Variants in DHCR24 observed in about 807,000 individuals in gnomAD.
The protein encoded by DHCR24 is delta(24)-sterol reductase.
In DHCR24, 28 loss-of-function variants were observed where a neutral mutation model predicts 61.2. The observed-to-expected ratio is 0.46, with a 90% CI of 0.34 to 0.63. The LOEUF (loss-of-function observed/expected upper bound fraction) is 0.63. Ranked by LOEUF, DHCR24 falls within the 20% of genes least tolerant of loss-of-function variation. The pLI, the probability that DHCR24 is intolerant of heterozygous loss-of-function variation, is 0.01. For missense variants in DHCR24, 538 were observed against 679.1 expected, an observed-to-expected ratio of 0.79 and a Z score of 2.31; for synonymous variants, 261 against 275.9, an observed-to-expected ratio of 0.95 and a Z score of 0.54.
intron 6 of DHCR24, among the ~76,000 whole-genome samples, chr1:54,864,828 C>T (rs542074494): frequency 2.0e-5 from 3 of 152,212 alleles, no homozygotes; most frequent in Non-Finnish European, 4.4e-5. Flanking sequence ...TCCTGACCTT[C>T]CCCCACTTAA....
Position 54,854,022 on chromosome 1 carries a change from C to T in DHCR24, c.1218+15G>A. ...GAATGCACCTGGTGCGCCCTCCCTG[C>T]CCTGCCCCACTCACGTGGATGTCGT... On this transcript the variant is annotated intron_variant, in intron 7 of 8. Transcript: ENST00000371269. 1.2e-6 allele frequency: 2 copies of T among 1,608,414 alleles called. No homozygotes were observed. The highest frequency in any genetic ancestry group is 1.7e-6 in the Non-Finnish European group (2 of 1,178,120).
At chr1:54,884,062 T>C (rs1647078937) in intron 1 of DHCR24, among the ~76,000 whole-genome samples, 1 of 152,248 alleles carries the variant, frequency 6.6e-6, no homozygotes, top group African/African-American at 2.4e-5. Context: ...AGAAAAGGTT[T>C]TGTAATGGTG....
chr1:54,853,306 C>T lies in DHCR24; in HGVS notation c.1397+128G>A, dbSNP rs537036052. ...CCTGACCCAGAGGCTGCCACAGCTG[C>T]AGGGGCCCTAAGGAACCAGTTGATA... On this transcript the variant is annotated intron_variant, in intron 8 of 8. Coordinates refer to ENST00000371269, the MANE Select transcript of DHCR24 (RefSeq NM_014762.4). 54 of 1,222,136 alleles carry T rather than the reference C, an allele frequency of 4.4e-5. No individual in the cohort carries two copies. The South Asian group carries it at 6.4e-4, about 15-fold the overall frequency. The allele number at this position is 1,222,136 out of a possible 1,614,324, so 75.7% of individuals were successfully genotyped here.
intron 5 of DHCR24, 74 bp from the exon 6 acceptor site, chr1:54,865,520 C>T (rs1008185430): frequency 8.1e-6 from 13 of 1,595,470 alleles, no homozygotes; most frequent in Non-Finnish European, 1.0e-5. Flanking sequence ...CAGCGACACC[C>T]GGCTTCTGTT....
chr1:54,863,595 G>C (rs1570186984), intron 6 of DHCR24, among the ~76,000 whole-genome samples: 1 of 152,292 alleles, frequency 6.6e-6, no homozygotes, highest in East Asian at 1.9e-4. Context: ...CTAAAGATTA[G>C]AGCTGCAACT....
rs541660268 is a variant in DHCR24, at chr1:54,883,777, C to G, written c.232-4G>C. The G allele has an allele frequency of 1.2e-6, 2 of 1,614,098 alleles. No individual in the cohort carries two copies. Among genetic ancestry groups the G allele is most frequent in the South Asian group, 2.2e-5 (2 of 91,074 alleles). ...CCTGCTCCTTCCATTCCCGCACCTG[C>G]AACCACAGGACAGAGGGTGAGCTGG... On this transcript the variant is annotated splice_region_variant and splice_polypyrimidine_tract_variant and intron_variant, in intron 1 of 8. Coordinates refer to ENST00000371269, the MANE Select transcript of DHCR24 (RefSeq NM_014762.4). This position sits in a 1 kb window ranked among gnomAD's most constrained non-coding sequence, Gnocchi z 4.3.
intron 6 of DHCR24, among the ~76,000 whole-genome samples, chr1:54,859,803 C>T (rs1166532881): frequency 6.6e-6 from 1 of 152,222 alleles, no homozygotes; most frequent in African/African-American, 2.4e-5. Flanking sequence ...TCAGCATTAA[C>T]GTCCACCCAC....
Position 54,863,226 on chromosome 1 carries a change from ACAACAGTATCTT to A in DHCR24, c.1020+2065_1020+2076del, listed in dbSNP as rs113782232. Among the ~76,000 whole-genome samples the A allele has an allele frequency of 5.6e-4, 86 of 152,234 alleles. 1 individual carries two copies. Among genetic ancestry groups the A allele is most frequent in the Admixed American group, 2.4e-3 (36 of 15,290 alleles). ...ACACTTCTCCTCTGCTGCTGCCCAGACAACAGTATCTTCTTTCTTCTACTCTTCCACTCTTGT... is the reference window on the plus strand; with the variant it reads ...ACACTTCTCCTCTGCTGCTGCCCAGACTTTCTTCTACTCTTCCACTCTTGT... On this transcript the variant is annotated intron_variant, in intron 6 of 8. Transcript: ENST00000371269.
chr1:54,867,184 A>G (rs561083536), intron 5 of DHCR24, among the ~76,000 whole-genome samples: 6 of 152,282 alleles, frequency 3.9e-5, no homozygotes, highest in African/African-American at 1.4e-4. Flanking sequence ...GCCACTTCCT[A>G]TCTCTGGGCC....
At chr1:54,865,501 G>A in intron 5 of DHCR24, 55 bp from the exon 6 acceptor site, 5 of 1,610,260 alleles carry the variant, frequency 3.1e-6, no homozygotes, top group African/African-American at 1.3e-5. Flanking sequence ...CAGCACCATC[G>A]GGGTGTAACA....
chr1:54,881,945 G>T (rs1647065727), intron 2 of DHCR24, among the ~76,000 whole-genome samples: 1 of 152,076 alleles, frequency 6.6e-6, no homozygotes, highest in Non-Finnish European at 1.5e-5. Context: ...GACACATACA[G>T]GGGAACAACA....
chr1:54,861,637 C>T (rs1182450205), intron 6 of DHCR24, among the ~76,000 whole-genome samples: 2 of 152,124 alleles, frequency 1.3e-5, no homozygotes, highest in African/African-American at 4.8e-5. Context: ...GCCTACACAT[C>T]ACACTCCCTG....
At chr1:54,869,787 C>T (rs766592624) in intron 5 of DHCR24, among the ~76,000 whole-genome samples, 28 of 152,232 alleles carry the variant, frequency 1.8e-4, no homozygotes, top group Non-Finnish European at 2.9e-4. Flanking sequence ...CACAGTGGCT[C>T]GCACCTGTAA....
In DHCR24 at chr1:54,887,081, G is replaced by A; in HGVS notation, c.39C>T (p.Leu13=). The change falls in exon 1 of 9, where the codon CTC becomes CTT. Residue 13 remains leucine, a synonymous_variant. Coordinates refer to ENST00000371269, the MANE Select transcript of DHCR24 (RefSeq NM_014762.4). ...PAVSLAVCAL[L]FLLWVRLKGL... is the part of the protein sequence containing the mutation. ...CCTTCAGGCGCACCCACAGCAGGAA[G>A]AGCAGCGCGCACACGGCCAGCGACA... 3.1e-6 allele frequency: 5 copies of A among 1,606,806 alleles called. No individual in the cohort carries two copies. The highest frequency in any genetic ancestry group is 1.7e-5 in the Admixed American group (1 of 58,672).
Position 54,871,367 on chromosome 1 carries a change from C to T in DHCR24, c.859G>A (p.Glu287Lys), listed in dbSNP as rs766019921. 1 of 1,614,080 alleles carries T rather than the reference C, an allele frequency of 6.2e-7. No homozygotes were observed. Among genetic ancestry groups the T allele is most frequent in the Admixed American group, 1.7e-5 (1 of 60,028 alleles). ...TGGCTTACCTTGCTGGGCTCTGCCTCATCTGTCATGACCCCTGTCATAATG... is the reference window on the plus strand; with the variant it reads ...TGGCTTACCTTGCTGGGCTCTGCCTTATCTGTCATGACCCCTGTCATAATG... ...AVIMTGVMTD[E>K]AEPSKLNSIG... Residue 287 changes from glutamate to lysine, a missense_variant, in exon 5 of 9, where the codon GAG (glutamate) becomes AAG (lysine). Transcript: ENST00000371269.
chr1:54,856,799 C>T (rs190717546), intron 6 of DHCR24, among the ~76,000 whole-genome samples: 64 of 152,274 alleles, frequency 4.2e-4, no homozygotes, highest in Non-Finnish European at 7.2e-4. Flanking sequence ...TTGGCTTAAA[C>T]AGTGTGTGCA....
At chr1:54,865,081 CA>C (rs1024466216) in intron 6 of DHCR24, among the ~76,000 whole-genome samples, 12 of 152,192 alleles carry the variant, frequency 7.9e-5, no homozygotes, top group African/African-American at 2.9e-4. Flanking sequence ...GCTTACTCCC[CA>C]GCACCAAGCA....
In DHCR24 at chr1:54,879,352, A is replaced by G. The variant is rs13375244; in HGVS notation, c.388-3305T>C. 7.0e-3 allele frequency among the ~76,000 whole-genome samples: 895 copies of G among 128,064 alleles called. 23 individuals carry two copies. Among genetic ancestry groups the G allele is most frequent in the Admixed American group, 0.011 (130 of 11,954 alleles). 84.0% of individuals were successfully genotyped at this position (128,064 alleles called of 152,430 possible). A position where few individuals can be genotyped will look rare whatever the true frequency, so the allele number is the denominator to read the frequency against. ...AAAAAAAAAAAAAAAAAAAAAAAAAATCCAAATCAAACTTCTGGAAATGAA... is the reference window on the plus strand; with the variant it reads ...AAAAAAAAAAAAAAAAAAAAAAAAAGTCCAAATCAAACTTCTGGAAATGAA... On this transcript the variant is annotated intron_variant, in intron 2 of 8. Coordinates refer to ENST00000371269, the MANE Select transcript of DHCR24 (RefSeq NM_014762.4).
intron 8 of DHCR24, among the ~76,000 whole-genome samples, chr1:54,853,188 G>GC (rs577403761): frequency 2.0e-5 from 3 of 152,120 alleles, no homozygotes; most frequent in Admixed American, 1.3e-4. Flanking sequence ...GCTGCTGGGG[G>GC]GGTGTGACAT....
Sources: gnomAD v4.1 joint callset for allele counts (sites outside exome capture counted in the v4.1 genomes callset) on GRCh38, gnomAD v4.1.1 for gene constraint, Gnocchi (gnomAD v3.1) non-coding constraint, MANE v1.5 for transcripts, NCBI Gene and HGNC (gene_info 2026-07-23, HGNC 2026-07-21) for gene names.